TANC1: variants seen among roughly 807,000 people sequenced by gnomAD.
TANC1 encodes the protein protein TANC1.
In TANC1, 77 loss-of-function variants were observed where a neutral mutation model predicts 149.7. That is an observed-to-expected ratio of 0.51 (90% CI 0.43 to 0.62). The LOEUF is 0.62. Among genes scored for constraint, TANC1 ranks in the 20% least tolerant of loss-of-function variants. The probability of loss-of-function intolerance (pLI) is 0.00; values close to 1 mark genes in which losing one functional copy is unlikely to be tolerated. For synonymous variants in TANC1, 854 were observed against 925.0 expected (o/e 0.92, Z 1.39); for missense variants, 1,985 against 2,321.8 (o/e 0.85, Z 2.98).
At position 159,196,669 on chromosome 2, in the gene TANC1, G is replaced by A; in HGVS notation, c.3041G>A (p.Gly1014Asp). The A allele has an allele frequency of 6.2e-7, 1 of 1,614,102 alleles. No homozygotes were observed. The highest frequency in any genetic ancestry group is 8.5e-7 in the Non-Finnish European group (1 of 1,179,970). The change falls in exon 18 of 27, where the codon GGT becomes GAT. Residue 1014 changes from glycine (G) to aspartate (D), a missense_variant. This residue lies in a region of TANC1 where 508 missense variants were observed against 714.2 expected (regional missense o/e 0.71). Coordinates refer to ENST00000263635, the MANE Select transcript of TANC1 (RefSeq NM_033394.3). Reference protein sequence around the residue: ...ALVHSALRGHGDILQYLLTCE... With the variant: ...ALVHSALRGHDDILQYLLTCE... ...GTCCACAGTGCCCTACGGGGCCACG[G>A]TGACATTCTCCAGTACCTGCTGACT...
At chr2:159,097,525 A>G in intron 3 of TANC1, 112 bp from the exon 4 acceptor site, 1 of 835,056 alleles carries the variant, frequency 1.2e-6, no homozygotes, top group East Asian at 2.5e-5. Flanking sequence ...AATTCAATAC[A>G]CACATCTGAT....
In TANC1 at chr2:159,024,528, A is replaced by G. The variant is rs377606395; in HGVS notation, c.-16+23339A>G. Among the ~76,000 whole-genome samples, 73 of 152,278 alleles carry G rather than the reference A, an allele frequency of 4.8e-4. 1 individual carries two copies. Among genetic ancestry groups the G allele is most frequent in the African/African-American group, 1.7e-3 (70 of 41,546 alleles). On this transcript the variant is annotated intron_variant, in intron 2 of 26. Coordinates refer to ENST00000263635, the MANE Select transcript of TANC1 (RefSeq NM_033394.3). Reference sequence around the variant, plus strand: ...CACTTTGGGAGGCTGAGGCAGGCGGATCACTTGAGATCAGGAGTTCAACAC... The same window carrying G: ...CACTTTGGGAGGCTGAGGCAGGCGGGTCACTTGAGATCAGGAGTTCAACAC...
At chr2:159,141,510 C>T (rs771239852) in intron 5 of TANC1, among the ~76,000 whole-genome samples, 2 of 152,204 alleles carry the variant, frequency 1.3e-5, no homozygotes, top group Non-Finnish European at 1.5e-5. Context: ...AACAACTTCA[C>T]GCCTTTGAGA....
intron 25 of TANC1, 125 bp from the exon 26 acceptor site, chr2:159,228,671 C>T: frequency 4.4e-6 from 3 of 687,346 alleles, no homozygotes; most frequent in Non-Finnish European, 5.2e-6. Context: ...GAAAACGGAA[C>T]TTTCCCTTCC....
At position 159,004,821 on chromosome 2, in the gene TANC1, C is replaced by G. The variant is rs114678823; in HGVS notation, c.-16+3632C>G. Among the ~76,000 whole-genome samples the G allele has an allele frequency of 2.2e-3, 332 of 152,232 alleles. 2 individuals carry two copies. Among genetic ancestry groups the G allele is most frequent in the African/African-American group, 7.4e-3 (309 of 41,536 alleles). ...GAGGAATTAAAGACAGACAGACAGA[C>G]ACACACACAAATATAGGGTGTGGAG... On this transcript the variant is annotated intron_variant, in intron 2 of 26. Transcript: ENST00000263635.
intron 4 of TANC1, among the ~76,000 whole-genome samples, chr2:159,112,646 C>A (rs2047861175): frequency 6.7e-6 from 1 of 150,152 alleles, no homozygotes; most frequent in East Asian, 2.0e-4. Context: ...CAGCTCACTG[C>A]ATCCTTGAAC....
chr2:159,111,621 G>A lies in TANC1; in HGVS notation c.259+13787G>A, dbSNP rs542104171. Among the ~76,000 whole-genome samples, 233 of 152,286 alleles carry A rather than the reference G, an allele frequency of 1.5e-3. 1 individual carries two copies. The highest frequency in any genetic ancestry group is 3.9e-3 in the East Asian group (20 of 5,186). ...CACATACCTGGTACACCAGAATCCC[G>A]TATAGGAGGGGCACGTGGGGCTGAG... On this transcript the variant is annotated intron_variant, in intron 4 of 26. Coordinates refer to ENST00000263635, the MANE Select transcript of TANC1 (RefSeq NM_033394.3).
rs200251220 is a variant in TANC1 at position 159,163,454 on chromosome 2, T to C, written c.854T>C (p.Leu285Pro). ...EETTGSAEST[L>P]PKAESSAGDG... ...ACCACCGGGTCAGCAGAGAGCACGC[T>C]GCCCAAAGCAGAATCCTCAGCTGGA... Residue 285 changes from leucine (L) to proline (P), a missense_variant, in exon 8 of 27, where the codon CTG becomes CCG. Coordinates refer to ENST00000263635, the MANE Select transcript of TANC1 (RefSeq NM_033394.3). The C allele has an allele frequency of 1.4e-5, 23 of 1,614,078 alleles. No individual in the cohort carries two copies. In the East Asian group the frequency reaches 4.7e-4, roughly 33 times the overall value.
chr2:159,202,178 T>C (rs1366452678), intron 19 of TANC1, among the ~76,000 whole-genome samples: 1 of 152,158 alleles, frequency 6.6e-6, no homozygotes, highest in African/African-American at 2.4e-5. Context: ...ACTCAGGCCG[T>C]CAGTGTGGTG....
intron 4 of TANC1, among the ~76,000 whole-genome samples, chr2:159,119,249 A>C (rs1041488068): frequency 2.6e-5 from 4 of 152,158 alleles, no homozygotes; most frequent in Non-Finnish European, 5.9e-5. Context: ...GTCCACTGTA[A>C]TGTGTGGGAA....
At chr2:159,226,214 A>T (rs1448435545) in intron 24 of TANC1, 1 of 181,030 alleles carries the variant, frequency 5.5e-6, no homozygotes, top group East Asian at 1.8e-4. Flanking sequence ...ACCTGGCCTC[A>T]TGCCCGTTGT....
At chr2:159,075,000 C>T (rs1274650350) in intron 3 of TANC1, among the ~76,000 whole-genome samples, 1 of 152,118 alleles carries the variant, frequency 6.6e-6, no homozygotes, top group Non-Finnish European at 1.5e-5. Context: ...CCAAAGGCCC[C>T]ATCTCCCAAA....
intron 2 of TANC1, among the ~76,000 whole-genome samples, chr2:159,049,609 CA>C (rs746991270): frequency 2.6e-5 from 4 of 152,154 alleles, no homozygotes; most frequent in African/African-American, 9.7e-5. Flanking sequence ...GCCTGAAGTC[CA>C]CCCAAGAGAT....
chr2:159,230,875 A>C lies in TANC1; in HGVS notation c.5449A>C (p.Asn1817His). Residue 1817 changes from asparagine (N) to histidine (H), a missense_variant, in exon 27 of 27, where the codon AAC (asparagine) becomes CAC (histidine). Coordinates refer to ENST00000263635, the MANE Select transcript of TANC1 (RefSeq NM_033394.3). This position sits in a 1 kb window ranked among gnomAD's most constrained non-coding sequence, Gnocchi z 4.4. ...CCAAATTCCAGTCCACTCTCAAGAG[A>C]ACAGGATAACTAAGACTGTTTCTCA... ...KCQIPVHSQE[N>H]RITKTVSHLY... 1 of 1,614,240 alleles carries C rather than the reference A, an allele frequency of 6.2e-7. No homozygotes were observed. The highest frequency in any genetic ancestry group is 1.1e-5 in the South Asian group (1 of 91,090).
rs766810880 is a variant in TANC1 at position 159,194,338 on chromosome 2, C to G, written c.2824C>G (p.Gln942Glu). The change falls in exon 17 of 27, where the codon CAG becomes GAG. Residue 942 changes from glutamine to glutamate, a missense_variant. By Grantham distance (29) the Gln-to-Glu change is conservative. Around this residue, in one of 3 missense-constraint regions of TANC1, gnomAD observed 508 missense variants for 714.2 expected, o/e 0.71. Transcript: ENST00000263635. Reference protein sequence around the residue: ...VLNNAPILCVQSHLGHEEVVT... With the variant: ...VLNNAPILCVESHLGHEEVVT... ...AAATAATGCCCCAATCCTGTGCGTCCAGTCTCACCTTGGCCACGAGGAAGT... is the reference window on the plus strand; with the variant it reads ...AAATAATGCCCCAATCCTGTGCGTCGAGTCTCACCTTGGCCACGAGGAAGT... The G allele has an allele frequency of 6.8e-6, 11 of 1,614,284 alleles. 1 individual carries two copies. Among genetic ancestry groups the G allele is most frequent in the Middle Eastern group, 1.7e-4 (1 of 6,060 alleles).
chr2:159,167,894 G>A (rs2054770146), intron 8 of TANC1, among the ~76,000 whole-genome samples: 1 of 152,186 alleles, frequency 6.6e-6, no homozygotes, highest in Non-Finnish European at 1.5e-5. Flanking sequence ...TGGATGCTGG[G>A]TCAGAGCCTG....
chr2:158,988,312 C>G (rs1476887798), intron 1 of TANC1, among the ~76,000 whole-genome samples: 1 of 127,820 alleles, frequency 7.8e-6, no homozygotes, highest in African/African-American at 3.0e-5. Flanking sequence ...GGGTGACAGG[C>G]AAGACCCTGT....
At chr2:159,014,269 A>G (rs1039073248) in intron 2 of TANC1, among the ~76,000 whole-genome samples, 12 of 152,212 alleles carry the variant, frequency 7.9e-5, no homozygotes, top group African/African-American at 2.9e-4. Flanking sequence ...GAAGCAAGTC[A>G]CGTCTTATGT....
intron 1 of TANC1, among the ~76,000 whole-genome samples, chr2:158,992,756 G>A (rs2035780402): frequency 6.8e-6 from 1 of 147,172 alleles, no homozygotes; most frequent in Non-Finnish European, 1.5e-5. Flanking sequence ...TCCTGACCTC[G>A]TGATCCACCC....
Sources: allele counts gnomAD v4.1 joint callset (sites outside exome capture counted in the v4.1 genomes callset), GRCh38; gene constraint gnomAD v4.1.1; regional missense constraint gnomAD v4.1.1; non-coding constraint Gnocchi (gnomAD v3.1); transcripts MANE v1.5; gene names NCBI Gene and HGNC (gene_info 2026-07-23, HGNC 2026-07-21).